The following LRRTM4 variants were observed in gnomAD, a reference collection of about 807,000 sequenced individuals.
LRRTM4 encodes leucine-rich repeat transmembrane neuronal protein 4.
In LRRTM4, 25 loss-of-function variants were observed where a neutral mutation model predicts 47.6. The ratio of observed to expected loss-of-function variants is 0.53; its 90% CI spans 0.38 to 0.73. The LOEUF is 0.73. LRRTM4 is among the 30% of genes least tolerant of loss of function. LRRTM4 has a pLI of 0.00. For synonymous variants in LRRTM4, 311 were observed against 269.5 expected (o/e 1.15, Z -1.51); for missense variants, 638 against 713.4 (o/e 0.89, Z 1.20).
chr2:76,784,073 G>T (rs1041807894), intron 3 of LRRTM4, among the ~76,000 whole-genome samples: 1 of 151,952 alleles, frequency 6.6e-6, no homozygotes, highest in Non-Finnish European at 1.5e-5. Context: ...ATTTTTAAAT[G>T]TTGTATTTTG....
intron 3 of LRRTM4, among the ~76,000 whole-genome samples, chr2:76,976,143 T>C (rs1676411029): frequency 6.6e-6 from 1 of 151,868 alleles, no homozygotes; most frequent in Admixed American, 6.6e-5. Flanking sequence ...ACATGCTCTG[T>C]AATCCTTTCC....
chr2:77,070,701 G>C (rs115485822), intron 3 of LRRTM4, among the ~76,000 whole-genome samples: 1 of 152,010 alleles, frequency 6.6e-6, no homozygotes, highest in African/African-American at 2.4e-5. Flanking sequence ...CATGCTCTCC[G>C]CTCACTGCAT....
At chr2:77,491,962 G>A (rs149729792) in intron 3 of LRRTM4, among the ~76,000 whole-genome samples, 24 of 151,744 alleles carry the variant, frequency 1.6e-4, no homozygotes, top group African/African-American at 4.6e-4. Context: ...CAAAGGAAAC[G>A]AAAGCAATGT....
chr2:77,032,324 A>G (rs928316060), intron 3 of LRRTM4, among the ~76,000 whole-genome samples: 1 of 152,170 alleles, frequency 6.6e-6, no homozygotes, highest in African/African-American at 2.4e-5. Context: ...CATCTCAAAC[A>G]AAATAACAAC....
chr2:77,358,277 T>C (rs763350911), intron 3 of LRRTM4, among the ~76,000 whole-genome samples: 37 of 152,122 alleles, frequency 2.4e-4, no homozygotes, highest in Non-Finnish European at 1.0e-4. Context: ...AGTAAAAACA[T>C]GGTGGAGAAG....
intron 3 of LRRTM4, among the ~76,000 whole-genome samples, chr2:76,852,025 C>A (rs1672012870): frequency 6.6e-6 from 1 of 151,956 alleles, no homozygotes; most frequent in South Asian, 2.1e-4. Flanking sequence ...CTCAAGGAAG[C>A]CTCACTTTTT....
At chr2:76,818,433 A>C (rs1171533090) in intron 3 of LRRTM4, among the ~76,000 whole-genome samples, 1 of 151,820 alleles carries the variant, frequency 6.6e-6, no homozygotes, top group East Asian at 1.9e-4. Flanking sequence ...ACACATTACT[A>C]AACTCAATGT....
chr2:76,790,089 T>A (rs999205085), intron 3 of LRRTM4, among the ~76,000 whole-genome samples: 8 of 152,196 alleles, frequency 5.3e-5, no homozygotes, highest in African/African-American at 1.7e-4. Flanking sequence ...CTGTCTGAGA[T>A]CTTTCCTAGC....
intron 3 of LRRTM4, among the ~76,000 whole-genome samples, chr2:76,978,158 C>T (rs1454553704): frequency 6.6e-6 from 1 of 151,966 alleles, no homozygotes; most frequent in Non-Finnish European, 1.5e-5. Flanking sequence ...CCTTCCCATA[C>T]TATTCTCCCC....
chr2:77,090,994 C>T (rs1175398795), intron 3 of LRRTM4, among the ~76,000 whole-genome samples: 11 of 151,648 alleles, frequency 7.3e-5, no homozygotes, highest in African/African-American at 2.4e-4. Flanking sequence ...GCCTGTTTCC[C>T]TTGCCTCCAG....
At chr2:76,967,946 T>C (rs1676083199) in intron 3 of LRRTM4, among the ~76,000 whole-genome samples, 1 of 151,592 alleles carries the variant, frequency 6.6e-6, no homozygotes, top group African/African-American at 2.4e-5. Context: ...CTAGCTCAGT[T>C]CCCAATGCAT....
intron 3 of LRRTM4, among the ~76,000 whole-genome samples, chr2:76,755,328 AACACT>A (rs1672989979): frequency 6.6e-6 from 1 of 152,152 alleles, no homozygotes; most frequent in Non-Finnish European, 1.5e-5. Context: ...CTTATTTTAC[AACACT>A]ATTTTGAGAA....
At position 77,212,474 on chromosome 2, in the gene LRRTM4, T is replaced by TATAG. The variant is rs1431592737; in HGVS notation, c.1551+305843_1551+305844insCTAT. On this transcript the variant is annotated intron_variant, in intron 3 of 3. Transcript: ENST00000409884. ...TGGAATAATTATATATATATATATA[T>TATAG]AGAGAGAGAGAGAGAGAGAGCGAGA... Among the ~76,000 whole-genome samples the TATAG allele has an allele frequency of 2.1e-3, 289 of 136,962 alleles. 1 individual carries two copies. Among genetic ancestry groups the TATAG allele is most frequent in the African/African-American group, 7.3e-3 (270 of 36,890 alleles). 89.9% of individuals were successfully genotyped at this position (136,962 alleles called of 152,430 possible). A position where few individuals can be genotyped will look rare whatever the true frequency, so the allele number is the denominator to read the frequency against.
intron 3 of LRRTM4, among the ~76,000 whole-genome samples, chr2:77,344,213 T>C (rs1415782510): frequency 6.6e-6 from 1 of 151,824 alleles, no homozygotes; most frequent in Non-Finnish European, 1.5e-5. Flanking sequence ...GAAAATCTTA[T>C]TTCATAATAA....
chr2:76,974,471 C>T (rs1186753842), intron 3 of LRRTM4, among the ~76,000 whole-genome samples: 1 of 150,772 alleles, frequency 6.6e-6, no homozygotes, highest in Non-Finnish European at 1.5e-5. Context: ...ATAATATTAA[C>T]TAAACTCCTA....
chr2:77,492,366 C>G (rs1329580640), intron 3 of LRRTM4, among the ~76,000 whole-genome samples: 1 of 152,070 alleles, frequency 6.6e-6, no homozygotes, highest in Non-Finnish European at 1.5e-5. Flanking sequence ...CTCAAGGAAT[C>G]CTTTTGCTTT....
At chr2:77,360,095 T>C (rs1672126021) in intron 3 of LRRTM4, among the ~76,000 whole-genome samples, 1 of 152,174 alleles carries the variant, frequency 6.6e-6, no homozygotes, top group Non-Finnish European at 1.5e-5. Context: ...ACCAATTTTA[T>C]CTTAAACTGT....
intron 3 of LRRTM4, among the ~76,000 whole-genome samples, chr2:77,492,089 A>G (rs1678188488): frequency 6.6e-6 from 1 of 152,164 alleles, no homozygotes. Context: ...AATATATTTT[A>G]TGAGCTATCC....
chr2:77,020,531 T>A (rs1398441863), intron 3 of LRRTM4, among the ~76,000 whole-genome samples: 4 of 152,166 alleles, frequency 2.6e-5, no homozygotes, highest in Non-Finnish European at 5.9e-5. Flanking sequence ...TTCGACAGAA[T>A]AATCTATTTT....
Sources: gnomAD v4.1 joint callset for allele counts (sites outside exome capture counted in the v4.1 genomes callset) on GRCh38, gnomAD v4.1.1 for gene constraint, MANE v1.5 for transcripts, NCBI Gene and HGNC (gene_info 2026-07-23, HGNC 2026-07-21) for gene names.